The following MRNIP variants were observed in gnomAD, a reference collection of about 807,000 sequenced individuals.
The protein encoded by MRNIP is MRN complex-interacting protein.
In MRNIP, 30 loss-of-function variants were observed where a neutral mutation model predicts 29.8. That is an observed-to-expected ratio of 1.01 (90% CI 0.75 to 1.36). MRNIP has a LOEUF of 1.36. MRNIP is among the 40% of genes most tolerant of loss of function. The probability of loss-of-function intolerance (pLI) is 0.00; values close to 1 mark genes in which losing one functional copy is unlikely to be tolerated. For synonymous variants in MRNIP, 201 were observed against 164.1 expected (o/e 1.23, Z -1.72); for missense variants, 459 against 423.5 (o/e 1.08, Z -0.74).
intron 6 of MRNIP, 104 bp from the exon 7 acceptor site, chr5:179,837,989 C>G: frequency 9.1e-7 from 1 of 1,104,278 alleles, no homozygotes; most frequent in Non-Finnish European, 1.3e-6. Flanking sequence ...GGTTCTGACA[C>G]TTTCTGCTGG....
intron 2 of MRNIP, among the ~76,000 whole-genome samples, chr5:179,849,004 G>C (rs1176694235): frequency 6.6e-6 from 1 of 151,960 alleles, no homozygotes; most frequent in African/African-American, 2.4e-5. Flanking sequence ...GTACAAGACG[G>C]AATTTGAGAC....
At chr5:179,852,860 C>T (rs540403460) in intron 2 of MRNIP, among the ~76,000 whole-genome samples, 1 of 152,278 alleles carries the variant, frequency 6.6e-6, no homozygotes, top group East Asian at 1.9e-4. Context: ...CAGCTGCAAA[C>T]AGCTGGATGA....
At position 179,837,663 on chromosome 5, in the gene MRNIP, G is replaced by A; in HGVS notation, c.760C>T (p.Pro254Ser). 1.2e-6 allele frequency: 2 copies of A among 1,614,184 alleles called. No homozygotes were observed. The highest frequency in any genetic ancestry group is 1.7e-6 in the Non-Finnish European group (2 of 1,180,026). The change falls in exon 7 of 7, where the codon CCC becomes TCC. Residue 254 changes from proline to serine, a missense_variant. Physicochemically the swap from Pro to Ser is moderately conservative, Grantham distance 74. Transcript: ENST00000292586. ...GCCTGTGCTGGACCAGCTGGCCTGGGGTCCCTCTGAAGAGACCTTGGCTGC... is the reference window on the plus strand; with the variant it reads ...GCCTGTGCTGGACCAGCTGGCCTGGAGTCCCTCTGAAGAGACCTTGGCTGC... ...SEQPRSLQRD[P>S]RPAGPAQAKQ...
chr5:179,837,808 G>T lies in MRNIP; in HGVS notation c.615C>A (p.Ala205=). Residue 205 remains alanine (A), a synonymous_variant, in exon 7 of 7, where the codon GCC becomes GCA. Coordinates refer to ENST00000292586, the MANE Select transcript of MRNIP (RefSeq NM_016175.4). ...CLQENSADCS[A]GELRGPGKEL... ...CCTTCCCAGGACCCCTCAGCTCCCC[G>T]GCACTGCAGTCTGCAGAGTTCTCCT... The T allele has an allele frequency of 6.2e-7, 1 of 1,613,766 alleles. No homozygotes were observed.
At chr5:179,838,821 A>G (rs1758737796) in intron 6 of MRNIP, 1 of 152,148 alleles carries the variant, frequency 6.6e-6, no homozygotes, top group South Asian at 2.1e-4. Context: ...TTCTACAAAA[A>G]ATTAGCCAAC....
intron 3 of MRNIP, 103 bp downstream of exon 3, chr5:179,847,875 G>A: frequency 1.2e-6 from 1 of 819,062 alleles, no homozygotes; most frequent in Non-Finnish European, 2.0e-6. Context: ...GGCAGGTCCA[G>A]CCACAGCAGA....
At chr5:179,851,419 AAC>A in intron 2 of MRNIP, 1 of 456,062 alleles carries the variant, frequency 2.2e-6, no homozygotes, top group South Asian at 1.5e-5. Flanking sequence ...AATCTGACTG[AAC>A]AGTCTGGGGA....
At chr5:179,843,035 G>GAGGAAAGA (rs1554093084) in intron 4 of MRNIP, among the ~76,000 whole-genome samples, 3 of 60,756 alleles carry the variant, frequency 4.9e-5, no homozygotes, top group East Asian at 1.1e-3. Flanking sequence ...CTGTCGAAAG[G>GAGGAAAGA]AGGAAAGAAG....
chr5:179,842,968 A>G (rs1436525383), intron 4 of MRNIP, among the ~76,000 whole-genome samples: 2 of 148,690 alleles, frequency 1.3e-5, no homozygotes, highest in Non-Finnish European at 1.5e-5. Flanking sequence ...AGGAGGCAGA[A>G]GTTGCAGTGA....
intron 3 of MRNIP, chr5:179,846,012 GTCCA>G (rs1759113774): frequency 6.6e-6 from 1 of 152,134 alleles, no homozygotes; most frequent in Admixed American, 6.6e-5. Flanking sequence ...GCGGTCTTTG[GTCCA>G]GGGTATATGA....
chr5:179,846,312 T>G, intron 3 of MRNIP, among the ~76,000 whole-genome samples: 1 of 149,998 alleles, frequency 6.7e-6, no homozygotes, highest in African/African-American at 2.5e-5. Flanking sequence ...TGAGATGGAG[T>G]CTCACTCTAT....
At chr5:179,856,119 G>A (rs960146303) in intron 1 of MRNIP, among the ~76,000 whole-genome samples, 23 of 151,954 alleles carry the variant, frequency 1.5e-4, no homozygotes, top group African/African-American at 4.4e-4. Flanking sequence ...CATTGCCCAG[G>A]CTGGTCTCGA....
chr5:179,847,914 CT>C (rs1759198902), intron 3 of MRNIP, 63 bp downstream of exon 3: 6 of 1,102,044 alleles, frequency 5.4e-6, no homozygotes, highest in Non-Finnish European at 6.8e-6. Context: ...CCACTGTGTA[CT>C]TCTATTATCC....
intron 2 of MRNIP, among the ~76,000 whole-genome samples, chr5:179,851,595 A>G (rs1176318548): frequency 6.6e-6 from 1 of 152,066 alleles, no homozygotes; most frequent in Non-Finnish European, 1.5e-5. Context: ...TCCCTAAGAG[A>G]TCTCATTACC....
rs762039955 is a variant in MRNIP, at chr5:179,843,077, GGGAGGCAGGCAA to G, written c.292-1025_292-1014del. On this transcript the variant is annotated intron_variant, in intron 4 of 6. Transcript: ENST00000292586. The stretch of plus-strand genomic sequence containing the variant: ...AGGAAGGAAGGGAGGGAGGGAGGGA[GGGAGGCAGGCAA>G]GCAGGCAAGCAGAAGTGTGGAAACA... Among the ~76,000 whole-genome samples the G allele has an allele frequency of 6.0e-3, 899 of 149,232 alleles. 8 individuals carry two copies. Among genetic ancestry groups the G allele is most frequent in the Middle Eastern group, 0.011 (3 of 284 alleles).
chr5:179,854,586 G>A (rs776382892), intron 1 of MRNIP, among the ~76,000 whole-genome samples: 57 of 152,202 alleles, frequency 3.7e-4, no homozygotes, highest in African/African-American at 8.4e-4. Context: ...AGGCCAGCCC[G>A]GGTAGCATGG....
At chr5:179,854,960 A>AT (rs1320612052) in intron 1 of MRNIP, among the ~76,000 whole-genome samples, 6 of 152,010 alleles carry the variant, frequency 3.9e-5, no homozygotes, top group South Asian at 4.2e-4. Context: ...ATTATTTACC[A>AT]TTTTTTTCTG....
intron 4 of MRNIP, 72 bp from the exon 5 acceptor site, chr5:179,842,136 A>G (rs549305119): frequency 5.2e-5 from 76 of 1,469,240 alleles, no homozygotes; most frequent in Non-Finnish European, 7.1e-5. Flanking sequence ...CCCTAGCCCA[A>G]CTCTTGGGCC....
chr5:179,845,361 C>G (rs2113551928), intron 3 of MRNIP, among the ~76,000 whole-genome samples: 1 of 152,260 alleles, frequency 6.6e-6, no homozygotes, highest in East Asian at 1.9e-4. Flanking sequence ...GTTGGCCAGG[C>G]TGGTCATGAA....
Sources: allele counts gnomAD v4.1 joint callset (sites outside exome capture counted in the v4.1 genomes callset), GRCh38; gene constraint gnomAD v4.1.1; transcripts MANE v1.5; gene names NCBI Gene and HGNC (gene_info 2026-07-23, HGNC 2026-07-21).